Variants in NCF2 observed in about 807,000 individuals in gnomAD.
The protein encoded by NCF2 is neutrophil cytosol factor 2.
Under a neutral mutation model 70.9 loss-of-function variants are expected in NCF2, and 45 were observed. That is an observed-to-expected ratio of 0.63 (90% CI 0.50 to 0.81). NCF2 has a LOEUF of 0.81. Ranked by LOEUF, NCF2 falls within the 40% of genes least tolerant of loss-of-function variation. The pLI is 0.00. For synonymous variants in NCF2, 203 were observed against 233.6 expected (o/e 0.87, Z 1.19); for missense variants, 522 against 631.6 (o/e 0.83, Z 1.86).
chr1:183,587,595 CAAAAAAAAAAAAA>C (rs11287969), intron 1 of NCF2, among the ~76,000 whole-genome samples: 4 of 41,892 alleles, frequency 9.5e-5, no homozygotes, highest in Non-Finnish European at 9.1e-5. Context: ...CACCCTGTCT[CAAAAAAAAAAAAA>C]AAAAAAAAAA....
Position 183,567,209 on chromosome 1 carries a change from C to T in NCF2, c.850G>A (p.Gly284Arg), listed in dbSNP as rs761796267. 8.7e-6 allele frequency: 14 copies of T among 1,614,032 alleles called. No individual in the cohort carries two copies. Among genetic ancestry groups the T allele is most frequent in the African/African-American group, 5.3e-5 (4 of 74,910 alleles). ...NDNWATVMFN[G>R]QKGLVPCNYL... ...GCCCCTGATCCTCTGCATACCTGCC[C>T]GTTGAACATGACCGTGGCCCAGTTA... The change falls in exon 8 of 15, where the codon GGG becomes AGG. Residue 284 changes from glycine to arginine, a missense_variant. Physicochemically the swap from Gly to Arg is moderately radical, Grantham distance 125 (BLOSUM62 -2). Transcript: ENST00000367535.
At chr1:183,557,600 T>C (rs547007844) in intron 14 of NCF2, among the ~76,000 whole-genome samples, 1 of 152,380 alleles carries the variant, frequency 6.6e-6, no homozygotes, top group African/African-American at 2.4e-5. Context: ...AATTCTGTTT[T>C]CTGTTGAAGT....
chr1:183,570,752 T>TC (rs1672506633), intron 6 of NCF2, 28 bp downstream of exon 6: 1 of 1,610,928 alleles, frequency 6.2e-7, no homozygotes, highest in Non-Finnish European at 8.5e-7. Context: ...GAGACCTAGG[T>TC]CCATGGAGAA....
upstream of NCF2, among the ~76,000 whole-genome samples, chr1:183,592,861 C>T (rs945696041): frequency 6.6e-6 from 1 of 152,226 alleles, no homozygotes; most frequent in African/African-American, 2.4e-5. Flanking sequence ...GCTGCTTACT[C>T]TTCTCCCGCT....
At chr1:183,564,957 G>C (rs539060806) in intron 10 of NCF2, among the ~76,000 whole-genome samples, 19 of 152,154 alleles carry the variant, frequency 1.2e-4, no homozygotes, top group Non-Finnish European at 2.5e-4. Flanking sequence ...AATGGAGCAG[G>C]GCGAGTTCAT....
In NCF2 at chr1:183,586,790, C is replaced by G. The variant is rs955451248; in HGVS notation, c.257+105G>C. On this transcript the variant is annotated intron_variant, in intron 2 of 14. Coordinates refer to ENST00000367535, the MANE Select transcript of NCF2 (RefSeq NM_000433.4). ...CCCCAGAAGGGCCAGTCACATTTCC[C>G]AACAGAGGTTGGGAAGGTACTGCTC... The G allele has an allele frequency of 9.6e-6, 10 of 1,036,734 alleles. No homozygotes were observed. In the Admixed American group the frequency reaches 1.7e-4, roughly 18 times the overall value. The allele number at this position is 1,036,734 out of a possible 1,614,324, so 64.2% of individuals were successfully genotyped here. A position where few individuals can be genotyped will look rare whatever the true frequency, so the allele number is the denominator to read the frequency against.
At chr1:183,564,542 G>A (rs533448375) in intron 10 of NCF2, among the ~76,000 whole-genome samples, 3 of 152,232 alleles carry the variant, frequency 2.0e-5, no homozygotes, top group African/African-American at 7.2e-5. Context: ...ACTATAGGGG[G>A]TACATGATCA....
Position 183,572,072 on chromosome 1 carries a change from C to T in NCF2, c.609+1113G>A, listed in dbSNP as rs1008320389. 3.9e-5 allele frequency among the ~76,000 whole-genome samples: 6 copies of T among 152,220 alleles called. No individual in the cohort carries two copies. In the East Asian group the frequency reaches 5.8e-4, roughly 15 times the overall value. On this transcript the variant is annotated intron_variant, in intron 5 of 14. Transcript: ENST00000367535. ...TGCTGCTATGCTAGACCCAGCTACC[C>T]GACCACTGGGCAACTTTAGCCCTAT...
intron 7 of NCF2, 80 bp downstream of exon 7, chr1:183,569,062 C>T: frequency 7.3e-7 from 1 of 1,370,052 alleles, no homozygotes; most frequent in South Asian, 1.2e-5. Flanking sequence ...ACCCCACCTT[C>T]ATCTTCTTCC....
chr1:183,599,123 T>C, the NCF2 span, among the ~76,000 whole-genome samples: 1 of 152,230 alleles, frequency 6.6e-6, no homozygotes, highest in Non-Finnish European at 1.5e-5. Flanking sequence ...GGCTCATGCC[T>C]GTAATCCCAG....
intron 3 of NCF2, among the ~76,000 whole-genome samples, chr1:183,574,830 C>T (rs1010504518): frequency 2.6e-5 from 4 of 152,184 alleles, no homozygotes; most frequent in East Asian, 3.9e-4. Context: ...CCATGGAATG[C>T]GTAAATGCAA....
chr1:183,596,266 C>T, the NCF2 span, among the ~76,000 whole-genome samples: 1 of 148,698 alleles, frequency 6.7e-6, no homozygotes, highest in East Asian at 1.9e-4. Flanking sequence ...TCCTAGCATC[C>T]TAGATGAAAA....
chr1:183,599,334 T>C, the NCF2 span, among the ~76,000 whole-genome samples: 1 of 152,296 alleles, frequency 6.6e-6, no homozygotes, highest in African/African-American at 2.4e-5. Context: ...TGAACTATGA[T>C]TGCACCTCTG....
intron 2 of NCF2, among the ~76,000 whole-genome samples, chr1:183,578,338 C>G (rs1005975193): frequency 2.0e-5 from 3 of 151,900 alleles, no homozygotes; most frequent in African/African-American, 7.3e-5. Flanking sequence ...ACCACTTATG[C>G]TATATAGTAT....
At chr1:183,597,359 C>G in the NCF2 span, among the ~76,000 whole-genome samples, 1 of 152,266 alleles carries the variant, frequency 6.6e-6, no homozygotes, top group South Asian at 2.1e-4. Context: ...TCTAACAAGA[C>G]AGTTACTGAT....
chr1:183,565,980 TG>T (rs968622514), intron 9 of NCF2, among the ~76,000 whole-genome samples: 1 of 151,988 alleles, frequency 6.6e-6, no homozygotes, highest in African/African-American at 2.4e-5. Flanking sequence ...CTGATGAAAA[TG>T]AAAATCACAG....
chr1:183,588,541 T>C (rs1184996282), intron 1 of NCF2, among the ~76,000 whole-genome samples: 1 of 151,784 alleles, frequency 6.6e-6, no homozygotes, highest in Non-Finnish European at 1.5e-5. Context: ...CCTTGTTGCA[T>C]TTCTTGTATT....
chr1:183,599,434 C>CTTTCT, the NCF2 span, among the ~76,000 whole-genome samples: 1 of 92,292 alleles, frequency 1.1e-5, no homozygotes, highest in Non-Finnish European at 2.4e-5. Context: ...TTCTTTCTTT[C>CTTTCT]TTTCTTTCTT....
At position 183,567,200 on chromosome 1, in the gene NCF2, A is replaced by T; in HGVS notation, c.855+4T>A. On this transcript the variant is annotated splice_donor_region_variant and intron_variant, in intron 8 of 14. Coordinates refer to ENST00000367535, the MANE Select transcript of NCF2 (RefSeq NM_000433.4). Reference sequence around the variant, plus strand: ...ATCGCACCAGCCCCTGATCCTCTGCATACCTGCCCGTTGAACATGACCGTG... The same window carrying T: ...ATCGCACCAGCCCCTGATCCTCTGCTTACCTGCCCGTTGAACATGACCGTG... The T allele has an allele frequency of 6.2e-7, 1 of 1,614,130 alleles. No individual in the cohort carries two copies. The highest frequency in any genetic ancestry group is 1.1e-5 in the South Asian group (1 of 91,078).
Sources: gnomAD v4.1 joint callset for allele counts (sites outside exome capture counted in the v4.1 genomes callset) on GRCh38, gnomAD v4.1.1 for gene constraint, MANE v1.5 for transcripts, NCBI Gene and HGNC (gene_info 2026-07-23, HGNC 2026-07-21) for gene names.